Variants in CNTN5 observed in about 807,000 individuals in gnomAD.
The protein encoded by CNTN5 is contactin-5.
Under a neutral mutation model 129.1 loss-of-function variants are expected in CNTN5, and 77 were observed. The ratio of observed to expected loss-of-function variants is 0.60; its 90% confidence interval spans 0.50 to 0.72. The LOEUF is 0.72. CNTN5 is among the 30% of genes least tolerant of loss of function. The pLI is 0.00. For missense variants in CNTN5, 1,478 were observed against 1,328.8 expected (o/e 1.11, Z -1.75); for synonymous variants, 509 against 465.6 (o/e 1.09, Z -1.20).
intron 23 of CNTN5, among the ~76,000 whole-genome samples, chr11:100,350,235 A>G (rs1952376100): frequency 6.6e-6 from 1 of 151,754 alleles, no homozygotes; most frequent in African/African-American, 2.4e-5. Flanking sequence ...AAACTTCCTT[A>G]GGATATTTCA....
rs1565585926 is a variant in CNTN5, at chr11:99,835,752, A to G, written c.278-9100A>G. On this transcript the variant is annotated intron_variant, in intron 4 of 24. Transcript: ENST00000524871. ...AGCTAATTTAAAAAACTGGAGCACT[A>G]TAACTGGTCAAGCTAAATACATGGT... Among the ~76,000 whole-genome samples the G allele has an allele frequency of 3.3e-5, 5 of 152,208 alleles. 1 individual carries two copies. The South Asian group carries it at 1.0e-3, about 31-fold the overall frequency.
intron 3 of CNTN5, among the ~76,000 whole-genome samples, chr11:99,697,297 G>A (rs1302681006): frequency 6.6e-6 from 1 of 151,406 alleles, no homozygotes; most frequent in African/African-American, 2.4e-5. Flanking sequence ...GATGGGGTTG[G>A]GGAGAGAGAA....
intron 1 of CNTN5, among the ~76,000 whole-genome samples, chr11:99,248,736 T>G (rs181898576): frequency 0.017 from 2,534 of 152,216 alleles, 66 homozygotes; most frequent in African/African-American, 0.056. Context: ...TTTCCCCATT[T>G]CTTGTTTTTG....
intron 8 of CNTN5, among the ~76,000 whole-genome samples, chr11:99,959,658 T>C (rs1950890782): frequency 6.6e-6 from 1 of 152,200 alleles, no homozygotes; most frequent in Non-Finnish European, 1.5e-5. Context: ...CACTTTTTTC[T>C]TTTACAAACG....
intron 1 of CNTN5, among the ~76,000 whole-genome samples, chr11:99,069,800 T>G (rs1335116483): frequency 2.0e-5 from 3 of 152,190 alleles, no homozygotes; most frequent in African/African-American, 7.2e-5. Context: ...ATTACCCTAC[T>G]AAACATATAA....
At chr11:99,402,879 A>C (rs539173048) in intron 2 of CNTN5, among the ~76,000 whole-genome samples, 1 of 152,204 alleles carries the variant, frequency 6.6e-6, no homozygotes, top group Admixed American at 6.5e-5. Context: ...GTAGCCACTA[A>C]TGATCCTTTG....
intron 3 of CNTN5, among the ~76,000 whole-genome samples, chr11:99,566,157 C>T (rs1479626241): frequency 6.6e-6 from 1 of 152,068 alleles, no homozygotes; most frequent in Non-Finnish European, 1.5e-5. Flanking sequence ...GCTTGGTGCC[C>T]TCCTCTTGGT....
At chr11:99,283,390 A>T (rs1863786313) in intron 1 of CNTN5, among the ~76,000 whole-genome samples, 1 of 151,794 alleles carries the variant, frequency 6.6e-6, no homozygotes, top group Non-Finnish European at 1.5e-5. Flanking sequence ...TCACACACAC[A>T]TGCACATGTG....
chr11:99,606,587 G>GA (rs1207456422), intron 3 of CNTN5, among the ~76,000 whole-genome samples: 8 of 136,564 alleles, frequency 5.9e-5, no homozygotes, highest in Non-Finnish European at 9.6e-5. Context: ...CAAAGAATTG[G>GA]AAAAAACTAC....
chr11:99,928,213 G>T (rs549122134), intron 7 of CNTN5, among the ~76,000 whole-genome samples: 4 of 152,330 alleles, frequency 2.6e-5, no homozygotes, highest in Middle Eastern at 3.4e-3. Flanking sequence ...CCCCCTCTCA[G>T]CTGCCTTCAT....
At chr11:99,025,525 G>A (rs778809815) in intron 1 of CNTN5, among the ~76,000 whole-genome samples, 4 of 151,724 alleles carry the variant, frequency 2.6e-5, no homozygotes, top group Non-Finnish European at 5.9e-5. Flanking sequence ...CGTAGCATAT[G>A]TTTAGGAAGA....
chr11:100,333,432 A>C (rs1016310138), intron 21 of CNTN5, among the ~76,000 whole-genome samples: 31 of 137,138 alleles, frequency 2.3e-4, no homozygotes, highest in Non-Finnish European at 3.4e-4. Context: ...AAAAAAAAAA[A>C]CACCTAAAAT....
At chr11:99,748,414 T>TAGGG (rs1944127628) in intron 3 of CNTN5, among the ~76,000 whole-genome samples, 1 of 150,916 alleles carries the variant, frequency 6.6e-6, no homozygotes, top group Admixed American at 6.6e-5. Flanking sequence ...GAACAATCCA[T>TAGGG]AGAGAGAGAG....
At chr11:99,714,249 G>T (rs756248566) in intron 3 of CNTN5, among the ~76,000 whole-genome samples, 1 of 151,804 alleles carries the variant, frequency 6.6e-6, no homozygotes, top group African/African-American at 2.4e-5. Flanking sequence ...AAGTGGAAGC[G>T]TTATATTTCA....
chr11:99,039,846 G>C (rs1863918431), intron 1 of CNTN5, among the ~76,000 whole-genome samples: 1 of 152,094 alleles, frequency 6.6e-6, no homozygotes, highest in East Asian at 1.9e-4. Flanking sequence ...ATGTTACTTA[G>C]TATTTATAAA....
At chr11:99,818,174 GCTTA>G (rs1370074203) in intron 3 of CNTN5, among the ~76,000 whole-genome samples, 3 of 151,944 alleles carry the variant, frequency 2.0e-5, no homozygotes, top group African/African-American at 7.3e-5. Context: ...TTATGAGAAA[GCTTA>G]CTTACAGTGA....
At chr11:99,796,813 G>C (rs2135462499) in intron 3 of CNTN5, among the ~76,000 whole-genome samples, 1 of 152,186 alleles carries the variant, frequency 6.6e-6, no homozygotes, top group African/African-American at 2.4e-5. Flanking sequence ...AAATCCTCTG[G>C]GTGCTACACT....
intron 14 of CNTN5, among the ~76,000 whole-genome samples, chr11:100,191,602 A>G (rs1229252128): frequency 2.0e-5 from 3 of 152,032 alleles, no homozygotes; most frequent in African/African-American, 7.2e-5. Flanking sequence ...AGCATCAATC[A>G]CTAATATTAC....
intron 15 of CNTN5, among the ~76,000 whole-genome samples, chr11:100,210,973 G>T (rs1448069312): frequency 6.6e-6 from 1 of 152,122 alleles, no homozygotes; most frequent in African/African-American, 2.4e-5. Flanking sequence ...TTGACACATT[G>T]TACAATGTGC....
Sources: allele counts gnomAD v4.1 joint callset (sites outside exome capture counted in the v4.1 genomes callset), GRCh38; gene constraint gnomAD v4.1.1; transcripts MANE v1.5; gene names NCBI Gene and HGNC (gene_info 2026-07-23, HGNC 2026-07-21).